GRIN2A: variants seen among roughly 807,000 people sequenced by gnomAD.
The protein encoded by GRIN2A is glutamate receptor ionotropic, NMDA 2A.
A neutral mutation model predicts 113.4 loss-of-function variants in GRIN2A; 22 were observed. The ratio of observed to expected loss-of-function variants is 0.19; its 90% confidence interval spans 0.14 to 0.28. The LOEUF (loss-of-function observed/expected upper bound fraction) is 0.28, where lower values mean the gene tolerates loss of function less well. Ranked by LOEUF, GRIN2A falls within the 10% of genes least tolerant of loss-of-function variation. The pLI is 1.00. For synonymous variants in GRIN2A, 827 were observed against 738.4 expected, an observed-to-expected ratio of 1.12 and a Z score of -1.94; for missense variants, 1,502 against 1,887.0, an observed-to-expected ratio of 0.80 and a Z score of 3.78.
At chr16:9,971,593 G>A (rs2045670375) in intron 2 of GRIN2A, among the ~76,000 whole-genome samples, 1 of 152,196 alleles carries the variant, frequency 6.6e-6, no homozygotes, top group Admixed American at 6.5e-5. Flanking sequence ...ATGTAAAACT[G>A]CCAATGTCGG....
At chr16:9,935,031 C>T (rs942636369) in intron 3 of GRIN2A, among the ~76,000 whole-genome samples, 17 of 152,056 alleles carry the variant, frequency 1.1e-4, no homozygotes, top group African/African-American at 3.6e-4. Flanking sequence ...TGGGAAATTG[C>T]GCAACAGCAT....
chr16:10,005,457 C>A (rs559375588), intron 2 of GRIN2A, among the ~76,000 whole-genome samples: 1 of 152,140 alleles, frequency 6.6e-6, no homozygotes, highest in Admixed American at 6.5e-5. Context: ...AATTTCAGAG[C>A]GATGGTCACA....
intron 2 of GRIN2A, among the ~76,000 whole-genome samples, chr16:9,999,584 C>T (rs72774048): frequency 0.088 from 13,325 of 151,894 alleles, 673 homozygotes; most frequent in Non-Finnish European, 0.11. Flanking sequence ...ACACACTGGG[C>T]CTGTCAGGGG....
At chr16:10,027,086 C>T (rs1273245053) in intron 2 of GRIN2A, among the ~76,000 whole-genome samples, 1 of 152,200 alleles carries the variant, frequency 6.6e-6, no homozygotes, top group Non-Finnish European at 1.5e-5. Flanking sequence ...CTGTTGGCCT[C>T]TCCTCACACA....
intron 2 of GRIN2A, among the ~76,000 whole-genome samples, chr16:9,976,022 G>A (rs1431776326): frequency 6.6e-6 from 1 of 151,998 alleles, no homozygotes; most frequent in African/African-American, 2.4e-5. Context: ...GGAACTAAAA[G>A]GAAAAATAGA....
At position 10,111,665 on chromosome 16, in the gene GRIN2A, G is replaced by A. The variant is rs375004180; in HGVS notation, c.414+68333C>T. 4.5e-6 allele frequency: 7 copies of A among 1,561,518 alleles called. No individual in the cohort carries two copies. In the East Asian group the frequency reaches 6.7e-5, roughly 15 times the overall value. ...GGTATTGGTTTCATTCACCACAACT[G>A]CACCCCAGAGTTCCAGGCCAACGAG... On this transcript the variant is annotated intron_variant, in intron 2 of 12. Transcript: ENST00000330684.
intron 7 of GRIN2A, among the ~76,000 whole-genome samples, chr16:9,838,057 T>A (rs2042611740): frequency 6.6e-6 from 1 of 152,180 alleles, no homozygotes; most frequent in Non-Finnish European, 1.5e-5. Context: ...ACATGAAAGT[T>A]TCACTGGATG....
In GRIN2A at chr16:9,758,426, G is replaced by C. The variant is rs923006003; in HGVS notation, c.*4723C>G. 12 of 221,290 alleles carry C rather than the reference G, an allele frequency of 5.4e-5. No individual in the cohort carries two copies. The highest frequency in any genetic ancestry group is 9.0e-5 in the Non-Finnish European group (10 of 110,514). The allele number at this position is 221,290 out of a possible 1,614,324, so 13.7% of individuals were successfully genotyped here. A position where few individuals can be genotyped will look rare whatever the true frequency, so the allele number is the denominator to read the frequency against. ...AACACCCATATTCTACTTAGGCTCT[G>C]TCATCCTCCCTACAACTGAGATTAA... On this transcript the variant is annotated 3_prime_UTR_variant, in exon 13 of 13. Transcript: ENST00000330684.
intron 2 of GRIN2A, among the ~76,000 whole-genome samples, chr16:10,025,219 T>C (rs772235909): frequency 1.3e-5 from 2 of 151,602 alleles, no homozygotes; most frequent in Non-Finnish European, 2.9e-5. Context: ...ATCATGCTTA[T>C]AGGAAACTCG....
intron 5 of GRIN2A, 29 bp downstream of exon 5, chr16:9,849,727 G>A (rs2141368904): frequency 1.3e-6 from 2 of 1,553,626 alleles, no homozygotes; most frequent in Non-Finnish European, 8.9e-7. Context: ...GGTTGGGCAC[G>A]TTCAGGTGAC....
chr16:10,079,381 T>C (rs1596484196), intron 2 of GRIN2A, among the ~76,000 whole-genome samples: 1 of 152,206 alleles, frequency 6.6e-6, no homozygotes, highest in Middle Eastern at 3.4e-3. Context: ...ATGGAGACAA[T>C]GCAGCCATGT....
intron 3 of GRIN2A, among the ~76,000 whole-genome samples, chr16:9,931,103 C>G (rs2044583233): frequency 6.6e-6 from 1 of 152,092 alleles, no homozygotes; most frequent in African/African-American, 2.4e-5. Context: ...TTTGCCCCCT[C>G]ATTTGTGCTA....
intron 5 of GRIN2A, among the ~76,000 whole-genome samples, chr16:9,849,422 C>A (rs932455143): frequency 1.3e-5 from 2 of 151,864 alleles, no homozygotes; most frequent in Non-Finnish European, 1.5e-5. Context: ...TCTGTGGAGT[C>A]AGTTGGACCA....
At chr16:9,871,966 G>A (rs917108881) in intron 4 of GRIN2A, among the ~76,000 whole-genome samples, 3 of 152,130 alleles carry the variant, frequency 2.0e-5, no homozygotes, top group African/African-American at 7.2e-5. Flanking sequence ...ATACGGTTCA[G>A]GTTAGCGGAA....
rs1567299482 is a variant in GRIN2A at position 10,101,578 on chromosome 16, G to GCGT, written c.414+78419_414+78420insACG. Among the ~76,000 whole-genome samples, 3 of 151,288 alleles carry GCGT rather than the reference G, an allele frequency of 2.0e-5. No homozygotes were observed. The East Asian group carries it at 5.8e-4, about 29-fold the overall frequency. On this transcript the variant is annotated intron_variant, in intron 2 of 12. Coordinates refer to ENST00000330684, the MANE Select transcript of GRIN2A (RefSeq NM_001134407.3). ...CAGAATCCCTGGGGTCATTTAGGTG[G>GCGT]TGATGTTGCCAGTTCTTCTCCCCTC...
rs1166183136 is a variant in GRIN2A at position 9,849,744 on chromosome 16, C to G, written c.1328+12G>C. On this transcript the variant is annotated intron_variant, in intron 5 of 12. Coordinates refer to ENST00000330684, the MANE Select transcript of GRIN2A (RefSeq NM_001134407.3). Reference sequence around the variant, plus strand: ...TTGGGCACGTTCAGGTGACAGCATTCCTGCCACTCACTTGATTTTGACGAA... The same window carrying G: ...TTGGGCACGTTCAGGTGACAGCATTGCTGCCACTCACTTGATTTTGACGAA... 1.2e-6 allele frequency: 2 copies of G among 1,606,440 alleles called. No homozygotes were observed. The highest frequency in any genetic ancestry group is 2.2e-5 in the South Asian group (2 of 90,950).
At chr16:9,864,123 G>A (rs868096118) in intron 4 of GRIN2A, among the ~76,000 whole-genome samples, 1 of 152,154 alleles carries the variant, frequency 6.6e-6, no homozygotes, top group Non-Finnish European at 1.5e-5. Context: ...ACCTTCTAAT[G>A]TACTTTTTCT....
Position 10,179,981 on chromosome 16 carries a change from T to C in GRIN2A, c.414+17A>G. The C allele has an allele frequency of 6.3e-7, 1 of 1,591,910 alleles. No individual in the cohort carries two copies. The highest frequency in any genetic ancestry group is 8.6e-7 in the Non-Finnish European group (1 of 1,165,044). On this transcript the variant is annotated intron_variant, in intron 2 of 12. Coordinates refer to ENST00000330684, the MANE Select transcript of GRIN2A (RefSeq NM_001134407.3). Reference sequence around the variant, plus strand: ...TGGCTTCCCAGGTCCTGGCAGGGCATCAGTTTCCGGCCTTACCTTGTCAGC... The same window carrying C: ...TGGCTTCCCAGGTCCTGGCAGGGCACCAGTTTCCGGCCTTACCTTGTCAGC...
chr16:9,983,062 C>T (rs191597577), intron 2 of GRIN2A, among the ~76,000 whole-genome samples: 97 of 152,242 alleles, frequency 6.4e-4, no homozygotes, highest in Non-Finnish European at 1.1e-3. Context: ...GTGTAATGAT[C>T]AAGGCAAGGT....
Sources: allele counts gnomAD v4.1 joint callset (sites outside exome capture counted in the v4.1 genomes callset), GRCh38; gene constraint gnomAD v4.1.1; transcripts MANE v1.5; gene names NCBI Gene and HGNC (gene_info 2026-07-23, HGNC 2026-07-21).